LMOD2: variants seen among roughly 807,000 people sequenced by gnomAD.
The protein encoded by LMOD2 is leiomodin 2.
LMOD2 carries 27 observed loss-of-function variants against 41.7 expected under a neutral mutation model. That is an observed-to-expected ratio of 0.65 (90% CI 0.48 to 0.89). The LOEUF (loss-of-function observed/expected upper bound fraction) is 0.89, where lower values mean the gene tolerates loss of function less well. LMOD2 is among the 40% of genes least tolerant of loss of function. The pLI, the probability that LMOD2 is intolerant of heterozygous loss-of-function variation, is 0.00. For synonymous variants in LMOD2, 251 were observed against 244.6 expected, an observed-to-expected ratio of 1.03 and a Z score of -0.25; for missense variants, 624 against 667.9, an observed-to-expected ratio of 0.93 and a Z score of 0.72.
Position 123,663,203 on chromosome 7 carries a change from G to C in LMOD2, c.1617G>C (p.Arg539=), listed in dbSNP as rs1255581192. The C allele has an allele frequency of 6.4e-7, 1 of 1,561,466 alleles. No individual in the cohort carries two copies. Among genetic ancestry groups the C allele is most frequent in the Non-Finnish European group, 8.7e-7 (1 of 1,153,286 alleles). ...IRGSSIKQLK[R]VEVPEALR Reference sequence around the variant, plus strand: ...GAAGCAGCATAAAACAGCTAAAGCGGGTAAGTAACCAGAGAACAGACATAG... The same window carrying C: ...GAAGCAGCATAAAACAGCTAAAGCGCGTAAGTAACCAGAGAACAGACATAG... The change falls in exon 2 of 3, where the codon CGG becomes CGC. Residue 539 remains arginine, a splice_region_variant and synonymous_variant. Transcript: ENST00000458573.
Position 123,657,336 on chromosome 7 carries a change from C to T in LMOD2, c.273+1100C>T, listed in dbSNP as rs1802803902. Among the ~76,000 whole-genome samples the T allele has an allele frequency of 5.9e-5, 9 of 152,156 alleles. No individual in the cohort carries two copies. The South Asian group carries it at 1.9e-3, about 32-fold the overall frequency. The stretch of plus-strand genomic sequence containing the variant: ...TTGGAATCATCTAAAATCAAAATGG[C>T]CTAAAGCCAATGGCAAGACTTCCAC... On this transcript the variant is annotated intron_variant, in intron 1 of 2. Coordinates refer to ENST00000458573, the MANE Select transcript of LMOD2 (RefSeq NM_207163.3).
Position 123,662,362 on chromosome 7 carries a change from CCAT to C in LMOD2, c.777_779del (p.Ile260del). The C allele has an allele frequency of 6.2e-7, 1 of 1,613,664 alleles. No individual in the cohort carries two copies. The highest frequency in any genetic ancestry group is 8.5e-7 in the Non-Finnish European group (1 of 1,179,784). On this transcript the variant is annotated inframe_deletion, in exon 2 of 3. Coordinates refer to ENST00000458573, the MANE Select transcript of LMOD2 (RefSeq NM_207163.3). This position sits in a 1 kb window ranked among gnomAD's most constrained non-coding sequence, Gnocchi z 4.0. ...CATGCCGACGACAGTGCAGCCATGG[CCAT>C]TGCAGAGATGCTCAAAGTCAATGAG...
rs767938877 is a variant in LMOD2, at chr7:123,656,212, G to C, written c.249G>C (p.Lys83Asn). 4 of 1,608,698 alleles carry C rather than the reference G, an allele frequency of 2.5e-6. No individual in the cohort carries two copies. The highest frequency in any genetic ancestry group is 3.4e-6 in the Non-Finnish European group (4 of 1,177,964). Reference protein sequence around the residue: ...WEKESQKLLEKERLGECGKVA... With the variant: ...WEKESQKLLENERLGECGKVA... ...AGGAGTCCCAAAAACTCTTGGAGAAGGAGAGGCTGGGGGAATGTGGAAAGG... is the reference window on the plus strand; with the variant it reads ...AGGAGTCCCAAAAACTCTTGGAGAACGAGAGGCTGGGGGAATGTGGAAAGG... Residue 83 changes from lysine to asparagine, a missense_variant, in exon 1 of 3, where the codon AAG becomes AAC. Transcript: ENST00000458573.
In LMOD2 at chr7:123,663,213, C is replaced by CAG. The variant is rs1802919811; in HGVS notation, c.1617+14_1617+15dup. 6.4e-7 allele frequency: 1 copy of CAG among 1,557,996 alleles called. No homozygotes were observed. ...AAAACAGCTAAAGCGGGTAAGTAAC[C>CAG]AGAGAACAGACATAGGGGCACAGAT... On this transcript the variant is annotated intron_variant, in intron 2 of 2. Transcript: ENST00000458573.
rs770733673 is a variant in LMOD2 at position 123,656,234 on chromosome 7, A to T, written c.271A>T (p.Lys91Ter). 6.2e-7 allele frequency: 1 copy of T among 1,604,394 alleles called. No individual in the cohort carries two copies. ...GAAGGAGAGGCTGGGGGAATGTGGA[A>T]AGGTAGGCTCTCGGGACTTTTCCTT... ...LEKERLGECG[K>*]VAEDKEESEE... Residue 91 changes from lysine (K) to a stop codon, truncating the protein, a stop_gained and splice_region_variant, in exon 1 of 3, where the codon AAG becomes TAG. Coordinates refer to ENST00000458573, the MANE Select transcript of LMOD2 (RefSeq NM_207163.3). LOFTEE classifies it high-confidence loss of function.
At chr7:123,659,486 G>A (rs1184199208) in intron 1 of LMOD2, among the ~76,000 whole-genome samples, 1 of 152,156 alleles carries the variant, frequency 6.6e-6, no homozygotes, top group Non-Finnish European at 1.5e-5. Flanking sequence ...GAACTATCTA[G>A]ATTTCATGAC....
In LMOD2 at chr7:123,656,016, A is replaced by T. The variant is rs2116730977; in HGVS notation, c.53A>T (p.Glu18Val). Reference protein sequence around the residue: ...RGLSKYESIDEDELLASLSAE... With the variant: ...RGLSKYESIDVDELLASLSAE... The stretch of plus-strand genomic sequence containing the variant: ...CTCAGTAAATACGAATCCATCGACG[A>T]GGATGAACTCCTCGCCTCCCTGTCA... The change falls in exon 1 of 3, where the codon GAG becomes GTG. Residue 18 changes from glutamate to valine, a missense_variant. Transcript: ENST00000458573. 1.9e-6 allele frequency: 3 copies of T among 1,610,296 alleles called. No homozygotes were observed. The East Asian group carries it at 6.7e-5, about 36-fold the overall frequency.
In LMOD2 at chr7:123,656,027, C is replaced by T; in HGVS notation, c.64C>T (p.Leu22Phe). The T allele has an allele frequency of 6.2e-7, 1 of 1,610,238 alleles. No individual in the cohort carries two copies. Among genetic ancestry groups the T allele is most frequent in the Non-Finnish European group, 8.5e-7 (1 of 1,178,408 alleles). Residue 22 changes from leucine to phenylalanine, a missense_variant, in exon 1 of 3, where the codon CTC becomes TTC. Physicochemically the swap from Leu to Phe is conservative, Grantham distance 22. Transcript: ENST00000458573. ...KYESIDEDELLASLSAEELKE... is the reference protein window; with the variant it reads ...KYESIDEDELFASLSAEELKE... ...CGAATCCATCGACGAGGATGAACTC[C>T]TCGCCTCCCTGTCAGCCGAGGAGCT...
Position 123,663,699 on chromosome 7 carries a change from A to G in LMOD2, c.1618-20A>G, listed in dbSNP as rs1462239522. 5 of 1,571,402 alleles carry G rather than the reference A, an allele frequency of 3.2e-6. No homozygotes were observed. The Admixed American group carries it at 9.3e-5, about 29-fold the overall frequency. ...ATCATGTGTGTTGTTTCATTGAGAG[A>G]AAATCCGCTATTTTTGTAGGTGGAA... On this transcript the variant is annotated intron_variant, in intron 2 of 2. Coordinates refer to ENST00000458573, the MANE Select transcript of LMOD2 (RefSeq NM_207163.3).
intron 1 of LMOD2, among the ~76,000 whole-genome samples, chr7:123,658,651 A>G (rs1802828792): frequency 6.6e-6 from 1 of 152,214 alleles, no homozygotes; most frequent in Non-Finnish European, 1.5e-5. Context: ...AGTTTCTCCC[A>G]TTATCTCACT....
At chr7:123,657,061 AC>A (rs1331964995) in intron 1 of LMOD2, among the ~76,000 whole-genome samples, 1 of 152,160 alleles carries the variant, frequency 6.6e-6, no homozygotes, top group Admixed American at 6.5e-5. Context: ...TGTCTCCTTT[AC>A]GATGGTGATC....
chr7:123,663,160 T>C lies in LMOD2; in HGVS notation c.1574T>C (p.Leu525Pro), dbSNP rs1436788704. ...CCACAGAGATCAGCTCATGAGAATC[T>C]CATGGAAGCAATTCGGGGAAGCAGC... ...STPQRSAHEN[L>P]MEAIRGSSIK... The change falls in exon 2 of 3, where the codon CTC becomes CCC. Residue 525 changes from leucine to proline, a missense_variant. Coordinates refer to ENST00000458573, the MANE Select transcript of LMOD2 (RefSeq NM_207163.3). 6.4e-7 allele frequency: 1 copy of C among 1,570,686 alleles called. No individual in the cohort carries two copies.
At chr7:123,656,417 A>G (rs539966559) in intron 1 of LMOD2, among the ~76,000 whole-genome samples, 181 bp downstream of exon 1, 31 of 152,326 alleles carry the variant, frequency 2.0e-4, no homozygotes, top group African/African-American at 7.2e-4. Context: ...TGGCCACCCA[A>G]TGGATCATAA....
rs781001746 is a variant in LMOD2, at chr7:123,663,042, A to G, written c.1456A>G (p.Lys486Glu). ...GQKKKKGKKV[K>E]KQPNSILKEI... ...AAAAAAGAAAAAAGGGAAAAAGGTC[A>G]AGAAACAGCCAAACAGTATTCTAAA... The change falls in exon 2 of 3, where the codon AAG becomes GAG. Residue 486 changes from lysine (K) to glutamate (E), a missense_variant. By Grantham distance (56) the Lys-to-Glu change is moderately conservative. Transcript: ENST00000458573. 2.6e-6 allele frequency: 4 copies of G among 1,554,248 alleles called. No individual in the cohort carries two copies. In the East Asian group the frequency reaches 9.7e-5, roughly 38 times the overall value.
chr7:123,662,906 ACCT>A lies in LMOD2; in HGVS notation c.1332_1334del (p.Pro448del), dbSNP rs756461615. 1.0e-5 allele frequency: 14 copies of A among 1,340,272 alleles called. No individual in the cohort carries two copies. Among genetic ancestry groups the A allele is most frequent in the Non-Finnish European group, 1.2e-5 (12 of 1,025,298 alleles). 83.0% of individuals were successfully genotyped at this position (1,340,272 alleles called of 1,614,324 possible). ...CTCCTTCTTCCCAAAGGCTGCCACC[ACCT>A]CCTCCTCCTCCCCCTCCTCCACTCC... On this transcript the variant is annotated inframe_deletion, in exon 2 of 3. Transcript: ENST00000458573. This position sits in a 1 kb window ranked among gnomAD's most constrained non-coding sequence, Gnocchi z 4.0.
At chr7:123,658,741 G>C (rs935703063) in intron 1 of LMOD2, among the ~76,000 whole-genome samples, 3 of 152,188 alleles carry the variant, frequency 2.0e-5, no homozygotes, top group Non-Finnish European at 4.4e-5. Context: ...CTTGTACATA[G>C]AAGTGAAAAT....
In LMOD2 at chr7:123,661,991, C is replaced by T. The variant is rs757325191; in HGVS notation, c.405C>T (p.Asp135=). The T allele has an allele frequency of 1.2e-5, 19 of 1,560,956 alleles. No individual in the cohort carries two copies. The highest frequency in any genetic ancestry group is 5.8e-5 in the Admixed American group (3 of 51,550). Reference sequence around the variant, plus strand: ...AGGAAGAGGAGGAAGAAGACAGTGACGAAGAGGAAAGAACAATTGAAACTG... The same window carrying T: ...AGGAAGAGGAGGAAGAAGACAGTGATGAAGAGGAAAGAACAATTGAAACTG... ...SQEEEEEEDS[D]EEERTIETAK... The change falls in exon 2 of 3, where the codon GAC becomes GAT. Residue 135 remains aspartate (D), a synonymous_variant. Coordinates refer to ENST00000458573, the MANE Select transcript of LMOD2 (RefSeq NM_207163.3).
intron 2 of LMOD2, 97 bp downstream of exon 2, chr7:123,663,300 C>A: frequency 7.3e-7 from 1 of 1,360,866 alleles, no homozygotes. Context: ...CAATACTTAT[C>A]AATACTTTCA....
At chr7:123,658,268 C>T (rs1430574619) in intron 1 of LMOD2, among the ~76,000 whole-genome samples, 2 of 152,198 alleles carry the variant, frequency 1.3e-5, no homozygotes, top group African/African-American at 2.4e-5. Context: ...CCAGTACTTT[C>T]CCTGCTGGCC....
Sources: gnomAD v4.1 joint callset for allele counts (sites outside exome capture counted in the v4.1 genomes callset) on GRCh38, gnomAD v4.1.1 for gene constraint, Gnocchi (gnomAD v3.1) non-coding constraint, MANE v1.5 for transcripts, NCBI Gene and HGNC (gene_info 2026-07-23, HGNC 2026-07-21) for gene names.